WWOX: variants seen among roughly 807,000 people sequenced by gnomAD.
The protein encoded by WWOX is WW domain-containing oxidoreductase.
WWOX carries 69 observed loss-of-function variants against 46.2 expected under a neutral mutation model. The ratio of observed to expected loss-of-function variants is 1.49; its 90% CI spans 1.23 to 1.82. WWOX has a LOEUF of 1.82. WWOX is among the 40% of genes most tolerant of loss of function. The pLI is 0.00. For missense variants in WWOX, 919 were observed against 542.6 expected, an observed-to-expected ratio of 1.69 and a Z score of -6.89; for synonymous variants, 359 against 202.6, an observed-to-expected ratio of 1.77 and a Z score of -6.56.
At chr16:78,874,117 A>C (rs1031055395) in intron 8 of WWOX, among the ~76,000 whole-genome samples, 1 of 151,986 alleles carries the variant, frequency 6.6e-6, no homozygotes, top group East Asian at 1.9e-4. Flanking sequence ...ATAGCTGGGC[A>C]TGGTGGCACA....
chr16:78,553,003 A>G (rs2151545604), intron 8 of WWOX: 1 of 152,410 alleles, frequency 6.6e-6, no homozygotes. Context: ...GGAAGCTATT[A>G]TCCTCAGCAA....
At chr16:78,394,598 G>A (rs189083705) in intron 6 of WWOX, among the ~76,000 whole-genome samples, 15 of 152,264 alleles carry the variant, frequency 9.9e-5, no homozygotes, top group Non-Finnish European at 8.8e-5. Context: ...AAGTATGACC[G>A]TAAAGGGCAG....
intron 6 of WWOX, among the ~76,000 whole-genome samples, chr16:78,422,818 TACAC>T (rs751244748): frequency 8.3e-6 from 1 of 120,294 alleles, no homozygotes; most frequent in South Asian, 2.6e-4. Context: ...CACATATATA[TACAC>T]ACACATATAT....
chr16:79,015,080 C>T (rs16949214), intron 8 of WWOX, among the ~76,000 whole-genome samples: 24,392 of 152,120 alleles, frequency 0.16, 2,292 homozygotes, highest in East Asian at 0.45. Flanking sequence ...CTCTGTCTTT[C>T]AAATTTGGAT....
intron 5 of WWOX, among the ~76,000 whole-genome samples, chr16:78,294,391 G>A (rs2079909238): frequency 6.8e-6 from 1 of 147,542 alleles, no homozygotes; most frequent in Non-Finnish European, 1.5e-5. Flanking sequence ...TCTTGCCACT[G>A]CCTGGAACCC....
rs565853161 is a variant in WWOX at position 79,017,919 on chromosome 16, G to C, written c.1057-193689G>C. Among the ~76,000 whole-genome samples the C allele has an allele frequency of 5.6e-4, 85 of 152,224 alleles. No individual in the cohort carries two copies. The South Asian group carries it at 0.017, about 30-fold the overall frequency. Reference sequence around the variant, plus strand: ...TAGATCCTTAATATACAATGAAGTAGTAAAACACATGTAAAAGTAAAAAGC... The same window carrying C: ...TAGATCCTTAATATACAATGAAGTACTAAAACACATGTAAAAGTAAAAAGC... On this transcript the variant is annotated intron_variant, in intron 8 of 8. Coordinates refer to ENST00000566780, the MANE Select transcript of WWOX (RefSeq NM_016373.4).
intron 8 of WWOX, among the ~76,000 whole-genome samples, chr16:78,882,941 C>T (rs920332967): frequency 3.9e-5 from 6 of 151,996 alleles, no homozygotes; most frequent in South Asian, 2.1e-4. Context: ...CCGGCACCAG[C>T]GATGTCGTAG....
intron 3 of WWOX, 122 bp downstream of exon 3, chr16:78,109,957 T>G: frequency 9.6e-7 from 1 of 1,042,100 alleles, no homozygotes; most frequent in Non-Finnish European, 1.4e-6. Flanking sequence ...ATCTGTAATC[T>G]TAGCAGAAGT....
chr16:78,380,548 G>C (rs1483633965), intron 5 of WWOX, among the ~76,000 whole-genome samples: 1 of 152,078 alleles, frequency 6.6e-6, no homozygotes, highest in Non-Finnish European at 1.5e-5. Context: ...TTTAAGGATA[G>C]GGCTGAATGG....
intron 8 of WWOX, among the ~76,000 whole-genome samples, chr16:79,173,526 C>T (rs1347762938): frequency 2.6e-5 from 4 of 152,048 alleles, no homozygotes; most frequent in African/African-American, 4.8e-5. Flanking sequence ...AGCAGTTTCC[C>T]TTGATAAGTC....
In WWOX at chr16:78,833,917, C is replaced by G. The variant is rs1567592476; in HGVS notation, c.1057-377691C>G. Among the ~76,000 whole-genome samples, 3 of 152,244 alleles carry G rather than the reference C, an allele frequency of 2.0e-5. 1 individual carries two copies. The highest frequency in any genetic ancestry group is 7.2e-5 in the African/African-American group (3 of 41,476). ...TTTGTCTCCCAGTGGAATATAAGTT[C>G]TTTGAGGCCAAGGACTGTGTCTTAT... On this transcript the variant is annotated intron_variant, in intron 8 of 8. Transcript: ENST00000566780.
intron 8 of WWOX, among the ~76,000 whole-genome samples, chr16:78,813,517 C>T (rs940062515): frequency 6.6e-6 from 1 of 152,032 alleles, no homozygotes; most frequent in Non-Finnish European, 1.5e-5. Flanking sequence ...TATAATGATG[C>T]CTATCTGATT....
At chr16:78,915,260 T>C (rs2045220755) in intron 8 of WWOX, among the ~76,000 whole-genome samples, 1 of 152,186 alleles carries the variant, frequency 6.6e-6, no homozygotes, top group Non-Finnish European at 1.5e-5. Context: ...ACATGACCAT[T>C]CCAGTCATGA....
chr16:78,989,829 TGTGTGTGTGTG>T (rs1567464302), intron 8 of WWOX, among the ~76,000 whole-genome samples: 1 of 150,322 alleles, frequency 6.7e-6, no homozygotes, highest in African/African-American at 2.5e-5. Context: ...AGCGTGTGTG[TGTGTGTGTGTG>T]TGTGTGTGTG....
chr16:78,514,340 A>G (rs558260602), intron 8 of WWOX, among the ~76,000 whole-genome samples: 42 of 152,304 alleles, frequency 2.8e-4, no homozygotes, highest in Non-Finnish European at 1.3e-4. Flanking sequence ...TGCATGTACA[A>G]CTGCTTGAAA....
At chr16:78,806,907 G>T (rs994886234) in intron 8 of WWOX, among the ~76,000 whole-genome samples, 2 of 152,274 alleles carry the variant, frequency 1.3e-5, no homozygotes, top group Middle Eastern at 6.8e-3. Flanking sequence ...GAAAAGAATG[G>T]TATTTGGCAA....
intron 8 of WWOX, among the ~76,000 whole-genome samples, chr16:78,948,511 A>G (rs2045992932): frequency 6.6e-6 from 1 of 152,004 alleles, no homozygotes; most frequent in South Asian, 2.1e-4. Context: ...AAGGCACCAG[A>G]CCCCAAGACA....
At chr16:78,989,535 C>A (rs367582577) in intron 8 of WWOX, among the ~76,000 whole-genome samples, 45 of 152,192 alleles carry the variant, frequency 3.0e-4, no homozygotes, top group African/African-American at 1.0e-3. Context: ...GCAGTGGACT[C>A]CTGTGTGGTT....
chr16:78,907,473 A>G (rs911266876), intron 8 of WWOX, among the ~76,000 whole-genome samples: 1 of 152,202 alleles, frequency 6.6e-6, no homozygotes, highest in Non-Finnish European at 1.5e-5. Context: ...GTCTTTTGCT[A>G]GCTTTACAAA....
Sources: gnomAD v4.1 joint callset for allele counts (sites outside exome capture counted in the v4.1 genomes callset) on GRCh38, gnomAD v4.1.1 for gene constraint, MANE v1.5 for transcripts, NCBI Gene and HGNC (gene_info 2026-07-23, HGNC 2026-07-21) for gene names.